The following ROBO1 variants were observed in gnomAD, a reference collection of about 807,000 sequenced individuals.
ROBO1 encodes the protein roundabout homolog 1.
ROBO1 carries 149 observed loss-of-function variants against 195.9 expected under a neutral mutation model. The ratio of observed to expected loss-of-function variants is 0.76; its 90% confidence interval spans 0.67 to 0.87. ROBO1 has a LOEUF of 0.87. Among genes scored for constraint, ROBO1 ranks in the 40% least tolerant of loss-of-function variants. ROBO1 has a pLI of 0.00. For missense variants in ROBO1, 1,933 were observed against 2,068.3 expected, an observed-to-expected ratio of 0.93 and a Z score of 1.27; for synonymous variants, 816 against 733.2, an observed-to-expected ratio of 1.11 and a Z score of -1.82.
intron 3 of ROBO1, among the ~76,000 whole-genome samples, chr3:78,966,865 A>G (rs544501078): frequency 6.6e-6 from 1 of 152,216 alleles, no homozygotes; most frequent in Non-Finnish European, 1.5e-5. Flanking sequence ...CTTTAATTAT[A>G]GCACACAACT....
At chr3:79,649,637 C>T (rs983816378) in intron 1 of ROBO1, among the ~76,000 whole-genome samples, 1 of 151,952 alleles carries the variant, frequency 6.6e-6, no homozygotes, top group Non-Finnish European at 1.5e-5. Flanking sequence ...TTATAGGTGT[C>T]AACTTGAATG....
intron 2 of ROBO1, among the ~76,000 whole-genome samples, chr3:79,288,711 CT>C: frequency 6.6e-6 from 1 of 152,308 alleles, no homozygotes; most frequent in South Asian, 2.1e-4. Flanking sequence ...GACCTTCACC[CT>C]TCTGCGCCTA....
chr3:78,788,027 C>A (rs1263049801), intron 4 of ROBO1, among the ~76,000 whole-genome samples: 1 of 150,606 alleles, frequency 6.6e-6, no homozygotes, highest in Non-Finnish European at 1.5e-5. Flanking sequence ...GCAAGCTCCA[C>A]CTCCCGGGTT....
intron 3 of ROBO1, among the ~76,000 whole-genome samples, chr3:78,981,824 C>CACACACACAA (rs1056799410): frequency 2.0e-5 from 3 of 151,176 alleles, no homozygotes; most frequent in African/African-American, 7.3e-5. Flanking sequence ...CACACACACA[C>CACACACACAA]AAAAACACAC....
intron 2 of ROBO1, among the ~76,000 whole-genome samples, chr3:79,145,815 A>C (rs1211460222): frequency 2.0e-5 from 3 of 152,006 alleles, no homozygotes; most frequent in African/African-American, 7.2e-5. Flanking sequence ...AAAAAACAGC[A>C]CAGTAAAATA....
At chr3:79,719,411 C>T (rs1460515520) in intron 1 of ROBO1, among the ~76,000 whole-genome samples, 1 of 151,806 alleles carries the variant, frequency 6.6e-6, no homozygotes, top group African/African-American at 2.4e-5. Flanking sequence ...AGATATTTAC[C>T]CATGCAATAA....
Position 78,608,606 on chromosome 3 carries a change from G to T in ROBO1, c.4436-1565C>A, listed in dbSNP as rs148206985. Reference sequence around the variant, plus strand: ...CTAAGTTTCGGTTATTCCGGCTGCAGTATGGGGAATGTATTAATAAGAAAA... The same window carrying T: ...CTAAGTTTCGGTTATTCCGGCTGCATTATGGGGAATGTATTAATAAGAAAA... On this transcript the variant is annotated intron_variant, in intron 28 of 30. Transcript: ENST00000464233. 2.0e-5 allele frequency among the ~76,000 whole-genome samples: 3 copies of T among 152,234 alleles called. 1 individual carries two copies. The East Asian group carries it at 5.8e-4, about 29-fold the overall frequency.
At chr3:78,985,660 C>G (rs547851884) in intron 3 of ROBO1, among the ~76,000 whole-genome samples, 1 of 152,148 alleles carries the variant, frequency 6.6e-6, no homozygotes, top group South Asian at 2.1e-4. Context: ...CCTCTACTCA[C>G]GAGATCCTGG....
At chr3:79,718,086 A>G (rs1207512199) in intron 1 of ROBO1, among the ~76,000 whole-genome samples, 1 of 152,066 alleles carries the variant, frequency 6.6e-6, no homozygotes, top group Admixed American at 6.6e-5. Context: ...TTAGACAAAA[A>G]GAAGATGGAT....
At chr3:78,803,104 G>A (rs1162816691) in intron 4 of ROBO1, among the ~76,000 whole-genome samples, 1 of 152,112 alleles carries the variant, frequency 6.6e-6, no homozygotes, top group Non-Finnish European at 1.5e-5. Context: ...TAAAACATGG[G>A]CTCGTGCATC....
At chr3:79,650,215 T>C (rs1262687903) in intron 1 of ROBO1, among the ~76,000 whole-genome samples, 1 of 151,732 alleles carries the variant, frequency 6.6e-6, no homozygotes, top group African/African-American at 2.4e-5. Flanking sequence ...GCAGAGAAAA[T>C]ACCAATAGAT....
chr3:78,858,520 G>A (rs2106950117), intron 4 of ROBO1, among the ~76,000 whole-genome samples: 1 of 147,502 alleles, frequency 6.8e-6, no homozygotes, highest in South Asian at 2.1e-4. Context: ...CTTGAACCCA[G>A]GAGTTTGAGA....
intron 2 of ROBO1, among the ~76,000 whole-genome samples, chr3:79,223,763 G>T (rs956927101): frequency 1.3e-5 from 2 of 152,096 alleles, no homozygotes; most frequent in Non-Finnish European, 2.9e-5. Context: ...GCTCAAGATA[G>T]GTAATCAAGC....
intron 3 of ROBO1, among the ~76,000 whole-genome samples, chr3:79,122,544 T>C (rs771035347): frequency 1.1e-4 from 17 of 152,012 alleles, no homozygotes; most frequent in Non-Finnish European, 2.1e-4. Context: ...CAGCAACTAC[T>C]ATTATGAGAG....
intron 4 of ROBO1, among the ~76,000 whole-genome samples, chr3:78,897,697 A>T (rs1282837492): frequency 6.6e-6 from 1 of 152,136 alleles, no homozygotes; most frequent in Non-Finnish European, 1.5e-5. Context: ...TTATAAAGGG[A>T]ATCAACATTT....
intron 2 of ROBO1, among the ~76,000 whole-genome samples, chr3:79,339,579 T>C (rs2034824006): frequency 6.6e-6 from 1 of 152,192 alleles, no homozygotes; most frequent in African/African-American, 2.4e-5. Context: ...TACAATCTAA[T>C]TGCACCCTCC....
intron 2 of ROBO1, among the ~76,000 whole-genome samples, chr3:79,524,676 A>G (rs551116469): frequency 1.3e-5 from 2 of 152,290 alleles, no homozygotes; most frequent in South Asian, 4.1e-4. Flanking sequence ...AACCATATTT[A>G]AATGAATTGA....
chr3:78,768,735 T>G (rs2083291660), intron 4 of ROBO1, among the ~76,000 whole-genome samples: 1 of 151,926 alleles, frequency 6.6e-6, no homozygotes, highest in Non-Finnish European at 1.5e-5. Flanking sequence ...TGTGCCATGC[T>G]GGTGCGCTGG....
intron 2 of ROBO1, among the ~76,000 whole-genome samples, chr3:79,327,609 G>A (rs1650318378): frequency 6.6e-6 from 1 of 151,908 alleles, no homozygotes; most frequent in Non-Finnish European, 1.5e-5. Context: ...ATATATGTCT[G>A]AAGAACAGGA....
Sources: allele counts gnomAD v4.1 joint callset (sites outside exome capture counted in the v4.1 genomes callset), GRCh38; gene constraint gnomAD v4.1.1; transcripts MANE v1.5; gene names NCBI Gene and HGNC (gene_info 2026-07-23, HGNC 2026-07-21).